CEP164: variants seen among roughly 807,000 people sequenced by gnomAD.
CEP164 encodes centrosomal protein of 164 kDa.
Under a neutral mutation model 182.7 loss-of-function variants are expected in CEP164, and 162 were observed. The ratio of observed to expected loss-of-function variants is 0.89; its 90% CI spans 0.78 to 1.01. CEP164 has a LOEUF of 1.01. Ranked by LOEUF, CEP164 falls within the 50% of genes least tolerant of loss-of-function variation. The pLI is 0.00. For synonymous variants in CEP164, 661 were observed against 690.0 expected (o/e 0.96, Z 0.66); for missense variants, 1,735 against 1,790.4 (o/e 0.97, Z 0.56).
chr11:117,387,200 T>C lies in CEP164; in HGVS notation c.1725-3T>C, dbSNP rs940650344. On this transcript the variant is annotated splice_region_variant and splice_polypyrimidine_tract_variant and intron_variant, in intron 14 of 32. Transcript: ENST00000278935. ...ATGATATGCCATTCCCCACCCATGG[T>C]AGGCGATCCACAGAGCCTGTGGCTC... 8 of 1,613,816 alleles carry C rather than the reference T, an allele frequency of 5.0e-6. No homozygotes were observed. Among genetic ancestry groups the C allele is most frequent in the South Asian group, 2.2e-5 (2 of 91,074 alleles).
At chr11:117,370,009 G>C (rs2042042525) in intron 8 of CEP164, among the ~76,000 whole-genome samples, 1 of 152,176 alleles carries the variant, frequency 6.6e-6, no homozygotes, top group Non-Finnish European at 1.5e-5. Context: ...GCACAACAGG[G>C]GTCTGAAAGC....
chr11:117,402,969 TATCA>T (rs1272157388), intron 27 of CEP164, among the ~76,000 whole-genome samples: 1 of 152,264 alleles, frequency 6.6e-6, no homozygotes, highest in Non-Finnish European at 1.5e-5. Context: ...AAGTCTGTTT[TATCA>T]GAGACTAGGA....
intron 3 of CEP164, among the ~76,000 whole-genome samples, chr11:117,339,584 A>G (rs2135103786): frequency 8.5e-6 from 1 of 117,464 alleles, no homozygotes; most frequent in East Asian, 2.9e-4. Flanking sequence ...GCTGGAATGC[A>G]GTGGTATGAT....
In CEP164 at chr11:117,338,617, C is replaced by T. The variant is rs781473958; in HGVS notation, c.31C>T (p.Gln11Ter). 6.2e-7 allele frequency: 1 copy of T among 1,614,114 alleles called. No individual in the cohort carries two copies. Among genetic ancestry groups the T allele is most frequent in the Admixed American group, 1.7e-5 (1 of 60,020 alleles). Reference protein sequence around the residue: MAGRPLRIGDQLVLEEDYDET... With the variant: MAGRPLRIGD The stretch of plus-strand genomic sequence containing the variant: ...TGGACGACCCCTCCGCATAGGAGAT[C>T]AGCTGGTTCTGGAAGAAGATTATGA... The change falls in exon 3 of 33, where the codon CAG (glutamine) becomes TAG (stop). Residue 11 changes from glutamine (Q) to a stop codon, truncating the protein, a stop_gained. Transcript: ENST00000278935. LOFTEE classifies it high-confidence loss of function.
At position 117,392,548 on chromosome 11, in the gene CEP164, C is replaced by G; in HGVS notation, c.2414C>G (p.Ala805Gly). The part of the protein sequence containing the change: ...KIQEAQQKEE[A>G]QLQKCLGQVE... ...CAGGAAGCTCAACAGAAAGAGGAGGCCCAGCTGCAGAAGTGCCTTGGGCAA... is the reference window on the plus strand; with the variant it reads ...CAGGAAGCTCAACAGAAAGAGGAGGGCCAGCTGCAGAAGTGCCTTGGGCAA... The change falls in exon 19 of 33, where the codon GCC (alanine) becomes GGC (glycine). Residue 805 changes from alanine to glycine, a missense_variant. Ala to Gly is a moderately conservative substitution (Grantham distance 60). Transcript: ENST00000278935. 1.2e-6 allele frequency: 2 copies of G among 1,614,144 alleles called. No homozygotes were observed. Among genetic ancestry groups the G allele is most frequent in the Non-Finnish European group, 1.7e-6 (2 of 1,180,016 alleles).
intron 30 of CEP164, 35 bp from the exon 31 acceptor site, chr11:117,410,793 G>T: frequency 6.3e-7 from 1 of 1,592,894 alleles, no homozygotes; most frequent in South Asian, 1.1e-5. Flanking sequence ...GGTGACCACT[G>T]CCCATTTCTG....
In CEP164 at chr11:117,371,252, AAG is replaced by A. The variant is rs2042168908; in HGVS notation, c.941_942del (p.Glu314GlyfsTer3). On this transcript the variant is annotated frameshift_variant, in exon 9 of 33. Transcript: ENST00000278935. LOFTEE classifies it high-confidence loss of function. The stretch of plus-strand genomic sequence containing the variant: ...GGAGCAAGACCTGGTCTTCCAGAAA[AAG>A]AGGAAAATGAGAAGAGTGAACCTAA... 2 of 1,614,246 alleles carry A rather than the reference AAG, an allele frequency of 1.2e-6. No homozygotes were observed. Among genetic ancestry groups the A allele is most frequent in the Non-Finnish European group, 1.7e-6 (2 of 1,180,044 alleles).
Position 117,392,516 on chromosome 11 carries a change from G to T in CEP164, c.2382G>T (p.Lys794Asn), listed in dbSNP as rs1158409981. Reference sequence around the variant, plus strand: ...CTCAGGTGGTCTCCAGCCTCCAGAAGAAGATACAGGAAGCTCAACAGAAAG... The same window carrying T: ...CTCAGGTGGTCTCCAGCCTCCAGAATAAGATACAGGAAGCTCAACAGAAAG... ...KHREVVSSLQ[K>N]KIQEAQQKEE... The change falls in exon 19 of 33, where the codon AAG (lysine) becomes AAT (asparagine). Residue 794 changes from lysine (K) to asparagine (N), a missense_variant. Lys to Asn is a moderately conservative substitution (Grantham distance 94, BLOSUM62 0). Transcript: ENST00000278935. 6.2e-7 allele frequency: 1 copy of T among 1,614,118 alleles called. No individual in the cohort carries two copies. The highest frequency in any genetic ancestry group is 2.2e-5 in the East Asian group (1 of 44,876).
At chr11:117,345,877 G>C (rs1181226374) in intron 4 of CEP164, among the ~76,000 whole-genome samples, 1 of 152,122 alleles carries the variant, frequency 6.6e-6, no homozygotes, top group Non-Finnish European at 1.5e-5. Flanking sequence ...AGTAGAGACG[G>C]GGTTTCGCCA....
chr11:117,382,096 C>G (rs182392746), intron 13 of CEP164, among the ~76,000 whole-genome samples: 2 of 152,098 alleles, frequency 1.3e-5, no homozygotes, highest in African/African-American at 4.8e-5. Context: ...CCTCAGTCTA[C>G]AGCTGAAATC....
Position 117,408,963 on chromosome 11 carries a change from G to C in CEP164, c.3683G>C (p.Ser1228Thr). Residue 1228 changes from serine (S) to threonine (T), a missense_variant, in exon 29 of 33, where the codon AGC becomes ACC. By Grantham distance (58) the Ser-to-Thr change is moderately conservative. Coordinates refer to ENST00000278935, the MANE Select transcript of CEP164 (RefSeq NM_014956.5). ...AVTFDLSDMD[S>T]LSSESSESFS... is the part of the protein sequence containing the mutation. ...ACCTTCGACCTCAGTGACATGGACA[G>C]CCTGAGCAGTGAAAGTTCTGAATCT... 1 of 1,614,150 alleles carries C rather than the reference G, an allele frequency of 6.2e-7. No homozygotes were observed. The highest frequency in any genetic ancestry group is 8.5e-7 in the Non-Finnish European group (1 of 1,180,006).
chr11:117,391,074 G>C lies in CEP164; in HGVS notation c.2142G>C (p.Leu714Phe). The change falls in exon 17 of 33, where the codon TTG (leucine) becomes TTC (phenylalanine). Residue 714 changes from leucine to phenylalanine, a missense_variant. Leu to Phe is a conservative substitution (Grantham distance 22). Transcript: ENST00000278935. ...ESQQKAERAS[L>F]EQKNRQMLEQ... is the part of the protein sequence containing the mutation. ...AACAGAAGGCTGAGAGGGCCAGCTT[G>C]GAACAGAAAAATAGGCAAATGCTGG... 6.2e-7 allele frequency: 1 copy of C among 1,614,126 alleles called. No homozygotes were observed. The highest frequency in any genetic ancestry group is 8.5e-7 in the Non-Finnish European group (1 of 1,180,044).
intron 27 of CEP164, among the ~76,000 whole-genome samples, chr11:117,400,872 T>C (rs981285248): frequency 6.6e-6 from 1 of 152,202 alleles, no homozygotes; most frequent in African/African-American, 2.4e-5. Context: ...CTGATCAGCT[T>C]AAGGAGATTT....
At chr11:117,354,261 G>A (rs967503577) in intron 5 of CEP164, among the ~76,000 whole-genome samples, 8 of 151,800 alleles carry the variant, frequency 5.3e-5, no homozygotes, top group African/African-American at 1.2e-4. Flanking sequence ...CAAGTGATCC[G>A]CCCGCCGCAG....
In CEP164 at chr11:117,356,326, G is replaced by A. The variant is rs867271585; in HGVS notation, c.393+4338G>A. 1.3e-5 allele frequency: 15 copies of A among 1,142,662 alleles called. 1 individual carries two copies. The highest frequency in any genetic ancestry group is 4.0e-4 in the Middle Eastern group (1 of 2,478). 70.8% of individuals were successfully genotyped at this position (1,142,662 alleles called of 1,614,324 possible). On this transcript the variant is annotated intron_variant, in intron 5 of 32. Transcript: ENST00000278935. ...TGCCTGAGAGCATGCAGGACATGCC[G>A]TGCAGACACAGCGCCAGCACAGTCT...
At chr11:117,383,025 A>C (rs751676068) in intron 14 of CEP164, 83 bp downstream of exon 14, 62 of 1,486,634 alleles carry the variant, frequency 4.2e-5, no homozygotes, top group Non-Finnish European at 5.4e-5. Flanking sequence ...GGGTGGTGGG[A>C]GGTGGGGCTC....
chr11:117,363,554 C>A, intron 8 of CEP164, 48 bp downstream of exon 8: 1 of 1,364,668 alleles, frequency 7.3e-7, no homozygotes, highest in Non-Finnish European at 1.0e-6. Flanking sequence ...TGGCATATCC[C>A]TCCTGTTTTT....
intron 5 of CEP164, chr11:117,356,489 G>T: frequency 7.8e-7 from 1 of 1,287,386 alleles, no homozygotes; most frequent in Non-Finnish European, 1.0e-6. Context: ...CCTCGCCCCT[G>T]CTTGGCAAGA....
chr11:117,361,530 G>A (rs1166846700), intron 5 of CEP164, among the ~76,000 whole-genome samples: 4 of 151,960 alleles, frequency 2.6e-5, no homozygotes, highest in Non-Finnish European at 4.4e-5. Flanking sequence ...CTGAGCCACC[G>A]AGCCCGGCCT....
Sources: allele counts gnomAD v4.1 joint callset (sites outside exome capture counted in the v4.1 genomes callset), GRCh38; gene constraint gnomAD v4.1.1; transcripts MANE v1.5; gene names NCBI Gene and HGNC (gene_info 2026-07-23, HGNC 2026-07-21).